Variants in TFCP2 observed in about 807,000 individuals in gnomAD.
The protein encoded by TFCP2 is alpha-globin transcription factor CP2.
Under a neutral mutation model 73.4 loss-of-function variants are expected in TFCP2, and 33 were observed. That is an observed-to-expected ratio of 0.45 (90% CI 0.34 to 0.60). TFCP2 has a LOEUF of 0.60. Ranked by LOEUF, TFCP2 falls within the 20% of genes least tolerant of loss-of-function variation. The probability of loss-of-function intolerance (pLI) is 0.01; values close to 1 mark genes in which losing one functional copy is unlikely to be tolerated. For synonymous variants in TFCP2, 193 were observed against 211.6 expected, an observed-to-expected ratio of 0.91 and a Z score of 0.76; for missense variants, 352 against 604.0, an observed-to-expected ratio of 0.58 and a Z score of 4.37.
chr12:51,096,116 C>A, intron 13 of TFCP2, 76 bp from the exon 14 acceptor site: 1 of 1,162,576 alleles, frequency 8.6e-7, no homozygotes, highest in Non-Finnish European at 1.3e-6. Flanking sequence ...CTAAGGACTA[C>A]CCCACATCCA....
At chr12:51,161,008 C>T (rs1941636364) in intron 1 of TFCP2, among the ~76,000 whole-genome samples, 1 of 152,136 alleles carries the variant, frequency 6.6e-6, no homozygotes, top group African/African-American at 2.4e-5. Context: ...CATGCACACC[C>T]CCGACTGAAG....
At chr12:51,095,387 A>G in intron 14 of TFCP2, 109 bp from the exon 15 acceptor site, 1 of 1,201,906 alleles carries the variant, frequency 8.3e-7, no homozygotes, top group Non-Finnish European at 1.2e-6. Flanking sequence ...AGGGAGGTGG[A>G]GGTTGCAGTG....
intron 13 of TFCP2, among the ~76,000 whole-genome samples, chr12:51,098,397 G>A (rs938578976): frequency 2.6e-5 from 4 of 152,064 alleles, no homozygotes; most frequent in Admixed American, 1.3e-4. Flanking sequence ...AGGCCGAGGC[G>A]GGTGGATCAC....
intron 1 of TFCP2, among the ~76,000 whole-genome samples, chr12:51,164,929 C>T (rs73305765): frequency 0.022 from 3,328 of 152,284 alleles, 110 homozygotes; most frequent in African/African-American, 0.073. Context: ...GCTGCATTGG[C>T]AAATTCTACC....
intron 8 of TFCP2, 106 bp downstream of exon 8, chr12:51,106,419 C>G (rs533917646): frequency 1.8e-4 from 146 of 805,576 alleles, no homozygotes; most frequent in South Asian, 1.8e-3. Flanking sequence ...CAAAGAACGA[C>G]CAAATAGATA....
At chr12:51,105,120 G>A in intron 8 of TFCP2, among the ~76,000 whole-genome samples, 1 of 150,740 alleles carries the variant, frequency 6.6e-6, no homozygotes, top group African/African-American at 2.4e-5. Context: ...TTGAGACGGA[G>A]TTTCACTCGT....
intron 8 of TFCP2, among the ~76,000 whole-genome samples, chr12:51,105,227 G>A (rs1940202756): frequency 1.3e-5 from 2 of 151,844 alleles, no homozygotes; most frequent in Non-Finnish European, 1.5e-5. Context: ...CCAAGTAGCT[G>A]GGATTACAGG....
At chr12:51,121,351 G>A (rs1216615292) in intron 1 of TFCP2, among the ~76,000 whole-genome samples, 7 of 151,646 alleles carry the variant, frequency 4.6e-5, no homozygotes. Flanking sequence ...CCTGGGAGGT[G>A]GAGGTTGCAG....
At chr12:51,113,242 T>C (rs988329270) in intron 4 of TFCP2, among the ~76,000 whole-genome samples, 3 of 152,216 alleles carry the variant, frequency 2.0e-5, no homozygotes, top group Non-Finnish European at 4.4e-5. Flanking sequence ...CAATGTTTTC[T>C]CAGGTAAAAT....
At position 51,106,410 on chromosome 12, in the gene TFCP2, A is replaced by T; in HGVS notation, c.917+115T>A. 4 of 747,190 alleles carry T rather than the reference A, an allele frequency of 5.4e-6. No homozygotes were observed. In the South Asian group the frequency reaches 7.4e-5, roughly 14 times the overall value. 46.3% of individuals were successfully genotyped at this position (747,190 alleles called of 1,614,324 possible). On this transcript the variant is annotated intron_variant, in intron 8 of 14. Coordinates refer to ENST00000257915, the MANE Select transcript of TFCP2 (RefSeq NM_005653.5). Reference sequence around the variant, plus strand: ...ATCTCAGTTAATATATAAATCCATCAAAGAACGACCAAATAGATATACTTA... The same window carrying T: ...ATCTCAGTTAATATATAAATCCATCTAAGAACGACCAAATAGATATACTTA...
chr12:51,122,793 T>C (rs1279759323), intron 1 of TFCP2, among the ~76,000 whole-genome samples: 2 of 152,198 alleles, frequency 1.3e-5, no homozygotes, highest in Non-Finnish European at 2.9e-5. Flanking sequence ...AGTCCTTTTA[T>C]TTCTCAAGAT....
rs532395275 is a variant in TFCP2, at chr12:51,149,631, G to A, written c.122+22670C>T. Among the ~76,000 whole-genome samples, 8 of 151,812 alleles carry A rather than the reference G, an allele frequency of 5.3e-5. No homozygotes were observed. In the South Asian group the frequency reaches 8.4e-4, roughly 16 times the overall value. On this transcript the variant is annotated intron_variant, in intron 1 of 14. Transcript: ENST00000257915. ...TTCTTTTTTTTCGAGATGGAGGCTC[G>A]CTCTGTCACCCAGGCCAGAGTGCAG...
chr12:51,146,987 G>C (rs1404328913), intron 1 of TFCP2, among the ~76,000 whole-genome samples: 2 of 152,206 alleles, frequency 1.3e-5, no homozygotes, highest in African/African-American at 4.8e-5. Context: ...TCAAGTGTTT[G>C]CTGAATGATA....
intron 1 of TFCP2, among the ~76,000 whole-genome samples, chr12:51,152,854 G>A (rs1389463565): frequency 6.6e-5 from 10 of 152,202 alleles, no homozygotes; most frequent in African/African-American, 1.4e-4. Context: ...ACAGTTCAGT[G>A]GTATTAAGTA....
chr12:51,172,249 C>T (rs1262219680), intron 1 of TFCP2, 52 bp downstream of exon 1: 9 of 1,606,206 alleles, frequency 5.6e-6, no homozygotes, highest in Non-Finnish European at 7.7e-6. Flanking sequence ...TTCTTAGTGT[C>T]TATCCGCCTT....
At chr12:51,136,944 A>T (rs1941076417) in intron 1 of TFCP2, among the ~76,000 whole-genome samples, 1 of 152,178 alleles carries the variant, frequency 6.6e-6, no homozygotes, top group Non-Finnish European at 1.5e-5. Flanking sequence ...ACTCTGTCTC[A>T]AAAACAAACA....
At chr12:51,130,048 G>A (rs554036111) in intron 1 of TFCP2, among the ~76,000 whole-genome samples, 1 of 152,278 alleles carries the variant, frequency 6.6e-6, no homozygotes, top group Admixed American at 6.5e-5. Flanking sequence ...TTAATTGGGA[G>A]GCTGAGGTAG....
intron 1 of TFCP2, among the ~76,000 whole-genome samples, chr12:51,150,361 T>C (rs1287422381): frequency 6.6e-6 from 1 of 151,852 alleles, no homozygotes; most frequent in East Asian, 1.9e-4. Flanking sequence ...GAGGTTGCAG[T>C]GAGCCGAGAT....
intron 4 of TFCP2, among the ~76,000 whole-genome samples, chr12:51,111,589 C>G (rs1004132380): frequency 6.6e-6 from 1 of 152,172 alleles, no homozygotes; most frequent in Non-Finnish European, 1.5e-5. Flanking sequence ...GGCACGGTGG[C>G]TCACACCTGT....
Sources: allele counts gnomAD v4.1 joint callset (sites outside exome capture counted in the v4.1 genomes callset), GRCh38; gene constraint gnomAD v4.1.1; transcripts MANE v1.5; gene names NCBI Gene and HGNC (gene_info 2026-07-23, HGNC 2026-07-21).